Variants in ZNF574 observed in about 807,000 individuals in gnomAD.
ZNF574 encodes the protein zinc finger protein 574.
Under a neutral mutation model 56.6 loss-of-function variants are expected in ZNF574, and 25 were observed. The observed-to-expected ratio is 0.44, with a 90% confidence interval of 0.32 to 0.62. The LOEUF is 0.62. Ranked by LOEUF, ZNF574 falls within the 20% of genes least tolerant of loss-of-function variation. The pLI is 0.04. For missense variants in ZNF574, 1,065 were observed against 1,218.9 expected, an observed-to-expected ratio of 0.87 and a Z score of 1.88; for synonymous variants, 543 against 492.1, an observed-to-expected ratio of 1.10 and a Z score of -1.37.
At chr19:42,072,151 T>C (rs575203104), upstream of ZNF574, among the ~76,000 whole-genome samples, 11 of 152,074 alleles carry the variant, frequency 7.2e-5, no homozygotes, top group Non-Finnish European at 1.3e-4. Context: ...AAAAGAGACC[T>C]GCACCACCCA....
At chr19:42,074,800 T>C (rs2076445613), upstream of ZNF574, 1 of 152,204 alleles carries the variant, frequency 6.6e-6, no homozygotes, top group East Asian at 1.9e-4. Context: ...GGTAAGTAAA[T>C]AAATAACACA....
chr19:42,072,243 T>G (rs940556903), upstream of ZNF574, among the ~76,000 whole-genome samples: 5 of 149,158 alleles, frequency 3.4e-5, no homozygotes, highest in Non-Finnish European at 7.4e-5. Flanking sequence ...TTTCTTTTTT[T>G]TTTTTTTTTG....
exon 1 of ZNF574, chr19:42,068,852 C>T (rs1349417821): frequency 2.9e-6 from 2 of 682,642 alleles, no homozygotes; most frequent in East Asian, 2.8e-5. Context: ...GGGACAGGGC[C>T]AAGGCCCACC....
At chr19:42,078,566 C>T in intron 1 of ZNF574, 21 bp from the exon 2 acceptor site, 1 of 1,586,020 alleles carries the variant, frequency 6.3e-7, no homozygotes, top group South Asian at 1.1e-5. Flanking sequence ...ACTGGTTTGT[C>T]CCCACTGTCT....
chr19:42,079,773 T>A lies in ZNF574; in HGVS notation c.1167T>A (p.Asn389Lys). 6.2e-7 allele frequency: 1 copy of A among 1,613,916 alleles called. No homozygotes were observed. Among genetic ancestry groups the A allele is most frequent in the Non-Finnish European group, 8.5e-7 (1 of 1,179,962 alleles). ...CCCACCGGCGAGCCCACACCCCGAATCCTCTGCATTCATGTCCATGTGGGA... is the reference window on the plus strand; with the variant it reads ...CCCACCGGCGAGCCCACACCCCGAAACCTCTGCATTCATGTCCATGTGGGA... The part of the protein sequence containing the change: ...LLAHRRAHTP[N>K]PLHSCPCGKT... The change falls in exon 2 of 2, where the codon AAT becomes AAA. Residue 389 changes from asparagine (N) to lysine (K), a missense_variant. Coordinates refer to ENST00000359044, the MANE Select transcript of ZNF574 (RefSeq NM_022752.6). The surrounding 1 kb of genome is among the most constrained non-coding windows in gnomAD (Gnocchi z 4.3).
At chr19:42,077,377 T>C (rs1023579227) in intron 1 of ZNF574, among the ~76,000 whole-genome samples, 1 of 152,042 alleles carries the variant, frequency 6.6e-6, no homozygotes, top group African/African-American at 2.4e-5. Context: ...GTTATGTTGC[T>C]ACGAAGAGGA....
upstream of ZNF574, chr19:42,074,968 C>T (rs2076446316): frequency 1.3e-5 from 2 of 152,400 alleles, no homozygotes; most frequent in East Asian, 1.9e-4. Context: ...ACTGCAACCT[C>T]GGCCTCCTGG....
In ZNF574 at chr19:42,079,293, C is replaced by T. The variant is rs1165203960; in HGVS notation, c.687C>T (p.Phe229=). 1.9e-6 allele frequency: 3 copies of T among 1,613,920 alleles called. No individual in the cohort carries two copies. Among genetic ancestry groups the T allele is most frequent in the South Asian group, 2.2e-5 (2 of 91,084 alleles). The change falls in exon 2 of 2, where the codon TTC becomes TTT. Residue 229 remains phenylalanine, a synonymous_variant. Coordinates refer to ENST00000359044, the MANE Select transcript of ZNF574 (RefSeq NM_022752.6). The surrounding 1 kb of genome is among the most constrained non-coding windows in gnomAD (Gnocchi z 4.3). ...AGCTCTTCCAGCTGCCGGCGGATTT[C>T]CTGGAGCACCAGGCCACTCACTTCC... ...CSQLFQLPAD[F]LEHQATHFPA...
Position 42,080,637 on chromosome 19 carries a change from C to T in ZNF574, c.2031C>T (p.Gly677=). The change falls in exon 2 of 2, where the codon GGC becomes GGT. Residue 677 remains glycine (G), a synonymous_variant. Coordinates refer to ENST00000359044, the MANE Select transcript of ZNF574 (RefSeq NM_022752.6). The surrounding 1 kb of genome is among the most constrained non-coding windows in gnomAD (Gnocchi z 8.5). The part of the protein sequence containing the change: ...FECGTCGKKV[G]SAARLQAHEA... ...GTGGCACCTGTGGCAAGAAAGTGGG[C>T]TCAGCTGCTCGACTGCAGGCACACG... The T allele has an allele frequency of 3.7e-6, 6 of 1,612,986 alleles. No homozygotes were observed. The highest frequency in any genetic ancestry group is 5.1e-6 in the Non-Finnish European group (6 of 1,179,900).
chr19:42,069,177 G>A (rs891851483), intron 1 of ZNF574: 4 of 381,414 alleles, frequency 1.0e-5, no homozygotes, highest in Admixed American at 4.6e-5. Flanking sequence ...CCTGCCAGGC[G>A]GCACCAGAGC....
chr19:42,080,495 A>G lies in ZNF574; in HGVS notation c.1889A>G (p.His630Arg). Reference sequence around the variant, plus strand: ...CTGGAGGTGCACCAGCTCGTGGTCCATGCCGGGCGCCAGCCCCACCGCTGC... The same window carrying G: ...CTGGAGGTGCACCAGCTCGTGGTCCGTGCCGGGCGCCAGCCCCACCGCTGC... Reference protein sequence around the residue: ...RLLEVHQLVVHAGRQPHRCPS... With the variant: ...RLLEVHQLVVRAGRQPHRCPS... Residue 630 changes from histidine to arginine, a missense_variant, in exon 2 of 2, where the codon CAT (histidine) becomes CGT (arginine). By Grantham distance (29) the His-to-Arg change is conservative. Coordinates refer to ENST00000359044, the MANE Select transcript of ZNF574 (RefSeq NM_022752.6). The surrounding 1 kb of genome is among the most constrained non-coding windows in gnomAD (Gnocchi z 8.5). 1 of 1,613,750 alleles carries G rather than the reference A, an allele frequency of 6.2e-7. No individual in the cohort carries two copies. Among genetic ancestry groups the G allele is most frequent in the Non-Finnish European group, 8.5e-7 (1 of 1,179,970 alleles).
chr19:42,081,348 T>C lies in ZNF574; in HGVS notation c.*51T>C. On this transcript the variant is annotated 3_prime_UTR_variant, in exon 2 of 2. Transcript: ENST00000359044. The stretch of plus-strand genomic sequence containing the variant: ...CTCCATTCCCTGTTGCTGAAGGCCC[T>C]CCAGCATCCCCTTAAGCATCTGTAC... 6.2e-7 allele frequency: 1 copy of C among 1,607,174 alleles called. No individual in the cohort carries two copies. Among genetic ancestry groups the C allele is most frequent in the South Asian group, 1.1e-5 (1 of 90,880 alleles).
intron 1 of ZNF574, among the ~76,000 whole-genome samples, chr19:42,078,276 G>T (rs1001529736): frequency 6.6e-6 from 1 of 152,060 alleles, no homozygotes; most frequent in Non-Finnish European, 1.5e-5. Flanking sequence ...GAACTGTGGG[G>T]CCCACTGTGA....
upstream of ZNF574, among the ~76,000 whole-genome samples, chr19:42,073,815 A>C (rs1425753769): frequency 4.0e-5 from 3 of 75,590 alleles, no homozygotes; most frequent in Non-Finnish European, 9.1e-5. Context: ...AGACTGTCTC[A>C]AAAAAAAAAA....
At chr19:42,077,866 G>A (rs961942754) in intron 1 of ZNF574, among the ~76,000 whole-genome samples, 1 of 152,122 alleles carries the variant, frequency 6.6e-6, no homozygotes, top group Non-Finnish European at 1.5e-5. Context: ...TCATGAAGTG[G>A]TTAAGGTGGG....
intron 1 of ZNF574, among the ~76,000 whole-genome samples, 151 bp downstream of exon 1, chr19:42,076,437 G>A (rs2076456294): frequency 6.6e-6 from 1 of 151,982 alleles, no homozygotes; most frequent in Admixed American, 6.5e-5. Context: ...CCGGCGCGCG[G>A]GCAGCCGGGC....
upstream of ZNF574, chr19:42,074,563 G>A (rs960756779): frequency 1.1e-4 from 16 of 152,122 alleles, no homozygotes; most frequent in African/African-American, 3.4e-4. Context: ...ATGAAATGGG[G>A]CTCACATGAA....
At chr19:42,072,653 G>A (rs1306534983), upstream of ZNF574, among the ~76,000 whole-genome samples, 3 of 151,146 alleles carry the variant, frequency 2.0e-5, no homozygotes, top group East Asian at 3.9e-4. Context: ...TGCAACCTCC[G>A]CCTCCGGGGT....
Position 42,080,403 on chromosome 19 carries a change from C to T in ZNF574, c.1797C>T (p.Tyr599=). The change falls in exon 2 of 2, where the codon TAC becomes TAT. Residue 599 remains tyrosine, a synonymous_variant. Transcript: ENST00000359044. The surrounding 1 kb of genome is among the most constrained non-coding windows in gnomAD (Gnocchi z 8.5). Reference sequence around the variant, plus strand: ...CTTACCGCCTGCTCATGCACCGCTACCATCACACAGGTGAATACCCCTACA... The same window carrying T: ...CTTACCGCCTGCTCATGCACCGCTATCATCACACAGGTGAATACCCCTACA... ...HRPYRLLMHR[Y]HHTGEYPYKC... 2 of 1,614,252 alleles carry T rather than the reference C, an allele frequency of 1.2e-6. No individual in the cohort carries two copies. The highest frequency in any genetic ancestry group is 1.7e-6 in the Non-Finnish European group (2 of 1,180,044).
Sources: gnomAD v4.1 joint callset for allele counts (sites outside exome capture counted in the v4.1 genomes callset) on GRCh38, gnomAD v4.1.1 for gene constraint, Gnocchi (gnomAD v3.1) non-coding constraint, MANE v1.5 for transcripts, NCBI Gene and HGNC (gene_info 2026-07-23, HGNC 2026-07-21) for gene names.